Variants in TMEM232 observed in about 807,000 individuals in gnomAD.
TMEM232 encodes transmembrane protein 232.
Under a neutral mutation model 78.8 loss-of-function variants are expected in TMEM232, and 80 were observed. The observed-to-expected ratio is 1.01, with a 90% CI of 0.85 to 1.22. The LOEUF (loss-of-function observed/expected upper bound fraction) is 1.22. TMEM232 is among the 50% of genes most tolerant of loss of function. TMEM232 has a pLI of 0.00. For synonymous variants in TMEM232, 297 were observed against 254.3 expected, an observed-to-expected ratio of 1.17 and a Z score of -1.60; for missense variants, 881 against 742.2, an observed-to-expected ratio of 1.19 and a Z score of -2.17.
chr5:110,435,269 CT>C (rs1318268047), intron 12 of TMEM232, among the ~76,000 whole-genome samples: 32 of 151,490 alleles, frequency 2.1e-4, no homozygotes, highest in Non-Finnish European at 3.7e-4. Flanking sequence ...GTAGTGTTTA[CT>C]TTAAGTTTTT....
chr5:110,484,437 T>C (rs543477012), intron 12 of TMEM232, among the ~76,000 whole-genome samples: 4 of 151,596 alleles, frequency 2.6e-5, no homozygotes, highest in African/African-American at 4.8e-5. Context: ...ATACAACATA[T>C]AGAAAAAAAT....
intron 3 of TMEM232, among the ~76,000 whole-genome samples, chr5:110,391,836 TG>T (rs2112557089): frequency 6.6e-6 from 1 of 152,324 alleles, no homozygotes; most frequent in African/African-American, 2.4e-5. Flanking sequence ...TGAAAATTAC[TG>T]AGCTGGACTA....
chr5:110,499,640 C>CATATATATAT (rs1461952407), intron 12 of TMEM232, among the ~76,000 whole-genome samples: 2 of 145,544 alleles, frequency 1.4e-5, no homozygotes, highest in African/African-American at 5.5e-5. Flanking sequence ...CCCCCCCACA[C>CATATATATAT]ACACACATAT....
rs902524579 is a variant in TMEM232, at chr5:110,587,665, A to G, written c.1276+17444T>C. Among the ~76,000 whole-genome samples, 452 of 86,142 alleles carry G rather than the reference A, an allele frequency of 5.2e-3. 3 individuals carry two copies. The highest frequency in any genetic ancestry group is 0.019 in the African/African-American group (382 of 20,248). The allele number at this position is 86,142 out of a possible 152,430, so 56.5% of individuals were successfully genotyped here. A position where few individuals can be genotyped will look rare whatever the true frequency, so the allele number is the denominator to read the frequency against. On this transcript the variant is annotated intron_variant, in intron 10 of 13. Transcript: ENST00000455884. ...GATGGTTTCATGGGTACATGTATGT[A>G]TATATATATATATATATATATATAT... is the stretch of plus-strand genomic sequence containing the variant.
intron 10 of TMEM232, among the ~76,000 whole-genome samples, chr5:110,589,058 G>C (rs1339468959): frequency 6.6e-6 from 1 of 152,020 alleles, no homozygotes; most frequent in African/African-American, 2.4e-5. Flanking sequence ...AGGAACATAG[G>C]AAGACGGCAT....
chr5:110,642,877 G>C (rs910016890), intron 2 of TMEM232, among the ~76,000 whole-genome samples: 8 of 152,180 alleles, frequency 5.3e-5, no homozygotes, highest in Admixed American at 1.3e-4. Context: ...TGAGATGGGA[G>C]GCTACTGCAG....
chr5:110,537,292 T>TATATA (rs563922305), intron 11 of TMEM232, among the ~76,000 whole-genome samples: 142 of 138,584 alleles, frequency 1.0e-3, no homozygotes, highest in African/African-American at 4.0e-3. Context: ...TATATATATA[T>TATATA]TTTTTTTTTT....
intron 12 of TMEM232, among the ~76,000 whole-genome samples, chr5:110,468,652 T>C (rs1310922144): frequency 6.6e-6 from 1 of 152,094 alleles, no homozygotes; most frequent in African/African-American, 2.4e-5. Flanking sequence ...CAAGGTTAAT[T>C]TGTGATGAAA....
At chr5:110,570,980 T>C (rs1376695664) in intron 10 of TMEM232, among the ~76,000 whole-genome samples, 1 of 152,012 alleles carries the variant, frequency 6.6e-6, no homozygotes, top group Non-Finnish European at 1.5e-5. Context: ...ACACATCTCA[T>C]TTAATCTTCT....
intron 1 of TMEM232, among the ~76,000 whole-genome samples, chr5:110,676,066 C>T (rs931465757): frequency 6.6e-6 from 1 of 152,304 alleles, no homozygotes; most frequent in East Asian, 1.9e-4. Context: ...CAGTGTCCTC[C>T]AAGTTCATCC....
At chr5:110,418,630 C>G (rs1756367817), downstream of TMEM232, among the ~76,000 whole-genome samples, 1 of 151,896 alleles carries the variant, frequency 6.6e-6, no homozygotes, top group African/African-American at 2.4e-5. Context: ...TAAAAAAAGG[C>G]ATGAATCCAC....
intron 1 of TMEM232, among the ~76,000 whole-genome samples, chr5:110,694,009 C>A (rs889153801): frequency 6.6e-6 from 1 of 152,108 alleles, no homozygotes; most frequent in Non-Finnish European, 1.5e-5. Context: ...TTGTCAGATT[C>A]ACCAAAGTTG....
At chr5:110,614,296 T>C (rs1009111120) in intron 8 of TMEM232, among the ~76,000 whole-genome samples, 6 of 152,226 alleles carry the variant, frequency 3.9e-5, no homozygotes, top group South Asian at 2.1e-4. Context: ...AGAATGACAG[T>C]TGAATGATGC....
chr5:110,401,387 T>C (rs187013586), intron 2 of TMEM232, among the ~76,000 whole-genome samples: 2 of 152,012 alleles, frequency 1.3e-5, no homozygotes, highest in Admixed American at 1.3e-4. Context: ...AAGAGGTGAC[T>C]GGAACAACAT....
intron 6 of TMEM232, among the ~76,000 whole-genome samples, chr5:110,627,541 GA>G (rs1352023263): frequency 2.6e-5 from 4 of 151,364 alleles, no homozygotes; most frequent in African/African-American, 7.3e-5. Context: ...AAAATTGCCG[GA>G]AAAAAAAGTA....
intron 11 of TMEM232, among the ~76,000 whole-genome samples, chr5:110,568,042 A>G (rs1776539483): frequency 6.6e-6 from 1 of 151,920 alleles, no homozygotes; most frequent in Admixed American, 6.6e-5. Context: ...GCTCCTTAAA[A>G]CTTCCATTAC....
At chr5:110,484,650 G>C (rs1459450131) in intron 12 of TMEM232, among the ~76,000 whole-genome samples, 1 of 152,000 alleles carries the variant, frequency 6.6e-6, no homozygotes, top group Non-Finnish European at 1.5e-5. Context: ...TCAAAATAGA[G>C]CGGGAGTGTC....
chr5:110,473,941 T>G (rs1762960818), intron 12 of TMEM232, among the ~76,000 whole-genome samples: 2 of 94,040 alleles, frequency 2.1e-5, no homozygotes, highest in Admixed American at 1.2e-4. Flanking sequence ...CTTACTCCTG[T>G]GTGAAATCAA....
intron 12 of TMEM232, among the ~76,000 whole-genome samples, chr5:110,478,835 T>TACA (rs1763538839): frequency 6.6e-6 from 1 of 151,720 alleles, no homozygotes; most frequent in Non-Finnish European, 1.5e-5. Context: ...AAGCAGTGTT[T>TACA]TGTCTATGCA....
Sources: allele counts gnomAD v4.1 joint callset (sites outside exome capture counted in the v4.1 genomes callset), GRCh38; gene constraint gnomAD v4.1.1; transcripts MANE v1.5; gene names NCBI Gene and HGNC (gene_info 2026-07-23, HGNC 2026-07-21).